The following ZSWIM8 variants were observed in gnomAD, a reference collection of about 807,000 sequenced individuals.
The protein encoded by ZSWIM8 is zinc finger SWIM domain-containing protein 8.
ZSWIM8 carries 27 observed loss-of-function variants against 173.7 expected under a neutral mutation model. That is an observed-to-expected ratio of 0.16 (90% CI 0.11 to 0.21). The LOEUF is 0.21. Among genes scored for constraint, ZSWIM8 ranks in the 10% least tolerant of loss-of-function variants. The pLI is 1.00. For synonymous variants in ZSWIM8, 958 were observed against 962.0 expected, an observed-to-expected ratio of 1.00 and a Z score of 0.08; for missense variants, 1,627 against 2,428.8, an observed-to-expected ratio of 0.67 and a Z score of 6.94.
Position 73,795,437 on chromosome 10 carries a change from CCTTA to C in ZSWIM8, c.2909-98_2909-95del, listed in dbSNP as rs370426205. 544 of 1,549,164 alleles carry C rather than the reference CCTTA, an allele frequency of 3.5e-4. 8 individuals are homozygous for C. In the South Asian group the frequency reaches 5.6e-3, roughly 16 times the overall value. On this transcript the variant is annotated intron_variant, in intron 14 of 25. Coordinates refer to ENST00000604729, the MANE Select transcript of ZSWIM8 (RefSeq NM_001367799.1). Reference sequence around the variant, plus strand: ...TGATGTGGGTTGGACCAAGGGAACCCCTTACTTCATATGCTGATGGCTTGGGAAC... The same window carrying C: ...TGATGTGGGTTGGACCAAGGGAACCCCTTCATATGCTGATGGCTTGGGAAC...
intron 14 of ZSWIM8, chr10:73,794,926 TAAAAA>T (rs34754583): frequency 3.6e-4 from 33 of 91,668 alleles, no homozygotes; most frequent in South Asian, 6.7e-4. Flanking sequence ...CATCTCTACT[TAAAAA>T]AAAAAAAAAA....
chr10:73,785,840 T>G lies in ZSWIM8; in HGVS notation c.-39T>G. 6.8e-7 allele frequency: 1 copy of G among 1,466,898 alleles called. No homozygotes were observed. Among genetic ancestry groups the G allele is most frequent in the African/African-American group, 1.5e-5 (1 of 67,842 alleles). The allele number at this position is 1,466,898 out of a possible 1,614,324, so 90.9% of individuals were successfully genotyped here. A position where few individuals can be genotyped will look rare whatever the true frequency, so the allele number is the denominator to read the frequency against. On this transcript the variant is annotated 5_prime_UTR_variant, in exon 1 of 26. Coordinates refer to ENST00000604729, the MANE Select transcript of ZSWIM8 (RefSeq NM_001367799.1). The stretch of plus-strand genomic sequence containing the variant: ...CCCGGCCGGCGGCCCAGGCCCCGGA[T>G]CCGCGGGGGGGGACCCGGCCCCGGG...
chr10:73,786,157 A>G (rs968392714), intron 1 of ZSWIM8, 71 bp downstream of exon 1: 2 of 1,399,218 alleles, frequency 1.4e-6, no homozygotes, highest in African/African-American at 1.5e-5. Flanking sequence ...GTCCGGGACC[A>G]GGAGCTGTCC....
At chr10:73,790,331 G>C (rs2083373060) in intron 7 of ZSWIM8, 39 bp downstream of exon 7, 1 of 1,559,746 alleles carries the variant, frequency 6.4e-7, no homozygotes, top group African/African-American at 1.4e-5. Flanking sequence ...TGTGGTGGAG[G>C]GGGAGCGTCC....
rs745537896 is a variant in ZSWIM8, at chr10:73,795,643, G to C, written c.3013G>C (p.Asp1005His). 6.2e-7 allele frequency: 1 copy of C among 1,613,350 alleles called. No individual in the cohort carries two copies. Among genetic ancestry groups the C allele is most frequent in the Non-Finnish European group, 8.5e-7 (1 of 1,179,830 alleles). Residue 1005 changes from aspartate to histidine, a missense_variant, in exon 15 of 26, where the codon GAC (aspartate) becomes CAC (histidine). Around this residue, in one of 18 missense-constraint regions of ZSWIM8, gnomAD observed 163 missense variants for 193.2 expected, o/e 0.84. Transcript: ENST00000604729. ...AGCACTAATGATCACTTACAAGGAC[G>C]ACCAGGCCAAGCTTAAGAAGGTAAG... ...ALALMITYKD[D>H]QAKLKKILDK...
intron 1 of ZSWIM8, among the ~76,000 whole-genome samples, chr10:73,787,203 C>T (rs34187841): frequency 1.3e-5 from 2 of 152,150 alleles, no homozygotes; most frequent in African/African-American, 4.8e-5. Flanking sequence ...CTCGGCCTCC[C>T]GAAGTGCTGG....
Position 73,801,699 on chromosome 10 carries a change from G to A in ZSWIM8, c.*180G>A, listed in dbSNP as rs1257631132. ...AGATGTCTCACACCCTAGAAGCCTA[G>A]GGCTGGGGGAGACAGCCCTGTCTGG... On this transcript the variant is annotated 3_prime_UTR_variant, in exon 26 of 26. Coordinates refer to ENST00000604729, the MANE Select transcript of ZSWIM8 (RefSeq NM_001367799.1). The surrounding 1 kb of genome is among the most constrained non-coding windows in gnomAD (Gnocchi z 4.9). 6 of 1,533,364 alleles carry A rather than the reference G, an allele frequency of 3.9e-6. No homozygotes were observed. The highest frequency in any genetic ancestry group is 1.7e-4 in the Middle Eastern group (1 of 6,004). The allele number at this position is 1,533,364 out of a possible 1,614,324, so 95.0% of individuals were successfully genotyped here.
intron 1 of ZSWIM8, chr10:73,786,335 TGTGTGTGTGTGCGCGCGCGCGC>T (rs2083220623): frequency 2.4e-6 from 1 of 415,832 alleles, no homozygotes; most frequent in African/African-American, 2.1e-5. Flanking sequence ...TGGGTGTGTG[TGTGTGTGTGTGCGCGCGCGCGC>T]GTGCGCGCGC....
chr10:73,799,982 A>G (rs749084326), intron 21 of ZSWIM8, 29 bp from the exon 22 acceptor site: 16 of 1,605,672 alleles, frequency 1.0e-5, no homozygotes, highest in Non-Finnish European at 1.4e-5. Flanking sequence ...CAAGTTTGGC[A>G]TCTTCCCCTT....
Position 73,789,012 on chromosome 10 carries a change from A to C in ZSWIM8, c.363-84A>C, listed in dbSNP as rs938660294. On this transcript the variant is annotated intron_variant, in intron 2 of 25. Transcript: ENST00000604729. The surrounding 1 kb of genome is among the most constrained non-coding windows in gnomAD (Gnocchi z 6.8). ...GGGGAAGGAATGAGGCTAGGGAGAG[A>C]GTGCCTAGGGCATTGTGGTCTCTGA... is the stretch of plus-strand genomic sequence containing the variant. The C allele has an allele frequency of 1.0e-6, 1 of 980,884 alleles. No individual in the cohort carries two copies. The highest frequency in any genetic ancestry group is 1.4e-6 in the Non-Finnish European group (1 of 691,126). 60.8% of individuals were successfully genotyped at this position (980,884 alleles called of 1,614,324 possible). A position where few individuals can be genotyped will look rare whatever the true frequency, so the allele number is the denominator to read the frequency against.
chr10:73,787,513 A>G (rs182766193), intron 1 of ZSWIM8, among the ~76,000 whole-genome samples: 24 of 152,284 alleles, frequency 1.6e-4, no homozygotes, highest in Admixed American at 1.5e-3. Context: ...CTGGGAAAAC[A>G]TGCCATATTA....
chr10:73,793,537 G>A, intron 10 of ZSWIM8, 51 bp from the exon 11 acceptor site: 1 of 1,529,052 alleles, frequency 6.5e-7, no homozygotes, highest in Non-Finnish European at 8.8e-7. Flanking sequence ...ATGATGTCCT[G>A]CTCCTGGAAG....
In ZSWIM8 at chr10:73,791,349, G is replaced by T. The variant is rs775091714; in HGVS notation, c.1169G>T (p.Arg390Leu). The T allele has an allele frequency of 6.2e-7, 1 of 1,612,430 alleles. No individual in the cohort carries two copies. The highest frequency in any genetic ancestry group is 8.5e-7 in the Non-Finnish European group (1 of 1,178,726). The change falls in exon 9 of 26, where the codon CGT becomes CTT. Residue 390 changes from arginine (R) to leucine (L), a missense_variant. Transcript: ENST00000604729. The surrounding 1 kb of genome is among the most constrained non-coding windows in gnomAD (Gnocchi z 6.0). ...ATAACAGGTTGGTGGTATAGCGTACGTACCTCAGCCTCACACAGCAGTGCC... is the reference window on the plus strand; with the variant it reads ...ATAACAGGTTGGTGGTATAGCGTACTTACCTCAGCCTCACACAGCAGTGCC... ...EQITGWWYSV[R>L]TSASHSSASG...
At position 73,792,787 on chromosome 10, in the gene ZSWIM8, G is replaced by A. The variant is rs368013099; in HGVS notation, c.2248G>A (p.Gly750Arg). The change falls in exon 10 of 26, where the codon GGG becomes AGG. Residue 750 changes from glycine to arginine, a missense_variant. Gly to Arg is a moderately radical substitution (Grantham distance 125). Transcript: ENST00000604729. This position sits in a 1 kb window ranked among gnomAD's most constrained non-coding sequence, Gnocchi z 4.3. ...GGGCGAGGAAGAGAAGGCCGAGGGCGGGGCTGGGGAGGAGCACGACCTGTT... is the reference window on the plus strand; with the variant it reads ...GGGCGAGGAAGAGAAGGCCGAGGGCAGGGCTGGGGAGGAGCACGACCTGTT... ...AGGEEEKAEG[G>R]AGEEHDLFAG... 56 of 1,607,504 alleles carry A rather than the reference G, an allele frequency of 3.5e-5. No individual in the cohort carries two copies. The South Asian group carries it at 3.6e-4, about 10-fold the overall frequency.
At position 73,798,565 on chromosome 10, in the gene ZSWIM8, G is replaced by A. The variant is rs1422409149; in HGVS notation, c.4176+112G>A. ...TTCCCGTATCCTGGAGTTTACAGATGATTGTTGGTCCTCTCATGGCAACAT... is the reference window on the plus strand; with the variant it reads ...TTCCCGTATCCTGGAGTTTACAGATAATTGTTGGTCCTCTCATGGCAACAT... On this transcript the variant is annotated intron_variant, in intron 20 of 25. Coordinates refer to ENST00000604729, the MANE Select transcript of ZSWIM8 (RefSeq NM_001367799.1). 10 of 995,242 alleles carry A rather than the reference G, an allele frequency of 1.0e-5. No homozygotes were observed. The East Asian group carries it at 1.3e-4, about 13-fold the overall frequency. The allele number at this position is 995,242 out of a possible 1,614,324, so 61.7% of individuals were successfully genotyped here. A position where few individuals can be genotyped will look rare whatever the true frequency, so the allele number is the denominator to read the frequency against.
At chr10:73,794,845 T>G in intron 14 of ZSWIM8, 1 of 426,820 alleles carries the variant, frequency 2.3e-6, no homozygotes, top group Non-Finnish European at 4.2e-6. Context: ...CGCAGCGCTT[T>G]GGGAGGCTGA....
rs1223304470 is a variant in ZSWIM8, at chr10:73,800,623, C to A, written c.5003-17C>A. The stretch of plus-strand genomic sequence containing the variant: ...AGGATACACCGTACCATGTGCCCAC[C>A]CTTATCTATCTCCCAGGAATGCTGG... On this transcript the variant is annotated splice_polypyrimidine_tract_variant and intron_variant, in intron 23 of 25. Transcript: ENST00000604729. This position sits in a 1 kb window ranked among gnomAD's most constrained non-coding sequence, Gnocchi z 4.1. The A allele has an allele frequency of 1.3e-6, 2 of 1,560,552 alleles. No individual in the cohort carries two copies. The highest frequency in any genetic ancestry group is 1.2e-5 in the South Asian group (1 of 85,222).
chr10:73,797,279 A>G lies in ZSWIM8; in HGVS notation c.3433+8A>G, dbSNP rs1364947949. The G allele has an allele frequency of 6.2e-7, 1 of 1,613,930 alleles. No individual in the cohort carries two copies. The highest frequency in any genetic ancestry group is 8.5e-7 in the Non-Finnish European group (1 of 1,179,838). ...CTAAGAAGAAGCACACAGGTAGGAT[A>G]GCCTGTGGGCTAGCATAGAGGGAAG... On this transcript the variant is annotated splice_region_variant and intron_variant, in intron 17 of 25. Transcript: ENST00000604729. The surrounding 1 kb of genome is among the most constrained non-coding windows in gnomAD (Gnocchi z 5.6).
intron 20 of ZSWIM8, 92 bp from the exon 21 acceptor site, chr10:73,798,910 G>A: frequency 6.7e-7 from 1 of 1,499,726 alleles, no homozygotes. Flanking sequence ...CTGGGAATGA[G>A]ACAGCTCTGA....
Sources: gnomAD v4.1 joint callset for allele counts (sites outside exome capture counted in the v4.1 genomes callset) on GRCh38, gnomAD v4.1.1 for gene constraint, gnomAD v4.1.1 regional missense constraint, Gnocchi (gnomAD v3.1) non-coding constraint, MANE v1.5 for transcripts, NCBI Gene and HGNC (gene_info 2026-07-23, HGNC 2026-07-21) for gene names.